The following PRKCE variants were observed in gnomAD, a reference collection of about 807,000 sequenced individuals.
PRKCE encodes protein kinase C epsilon, also known as protein kinase C epsilon type.
Under a neutral mutation model 85.4 loss-of-function variants are expected in PRKCE, and 16 were observed. The ratio of observed to expected loss-of-function variants is 0.19; its 90% CI spans 0.13 to 0.28. The LOEUF (loss-of-function observed/expected upper bound fraction) is 0.28. PRKCE is among the 10% of genes least tolerant of loss of function. PRKCE has a pLI of 1.00. For missense variants in PRKCE, 573 were observed against 975.2 expected, an observed-to-expected ratio of 0.59 and a Z score of 5.49; for synonymous variants, 388 against 371.5, an observed-to-expected ratio of 1.04 and a Z score of -0.51.
intron 6 of PRKCE, among the ~76,000 whole-genome samples, chr2:45,985,276 GTTCC>G (rs1413407201): frequency 6.6e-6 from 1 of 152,186 alleles, no homozygotes; most frequent in Non-Finnish European, 1.5e-5. Flanking sequence ...CGCGTCCTCA[GTTCC>G]TTCCTGTTTC....
At chr2:46,031,342 C>G (rs1707498149) in intron 10 of PRKCE, among the ~76,000 whole-genome samples, 1 of 152,192 alleles carries the variant, frequency 6.6e-6, no homozygotes, top group Admixed American at 6.5e-5. Context: ...TTCCCTCTGC[C>G]TGAGATGCCC....
At chr2:45,826,788 C>A (rs1689975086) in intron 1 of PRKCE, among the ~76,000 whole-genome samples, 1 of 152,210 alleles carries the variant, frequency 6.6e-6, no homozygotes, top group South Asian at 2.1e-4. Context: ...CCTGCCTCCC[C>A]TCCTTATCTC....
chr2:45,668,575 G>A (rs942247253), intron 1 of PRKCE, among the ~76,000 whole-genome samples: 9 of 152,086 alleles, frequency 5.9e-5, no homozygotes, highest in African/African-American at 2.2e-4. Context: ...TTTGCCAAAT[G>A]TCTATTTGCT....
intron 2 of PRKCE, among the ~76,000 whole-genome samples, chr2:45,917,421 C>G (rs1558830894): frequency 6.6e-6 from 1 of 152,170 alleles, no homozygotes; most frequent in East Asian, 1.9e-4. Flanking sequence ...CAAGGCCCCA[C>G]CAGAGTAGCT....
chr2:46,177,113 G>A (rs543564573), intron 14 of PRKCE, among the ~76,000 whole-genome samples: 31 of 152,192 alleles, frequency 2.0e-4, no homozygotes, highest in African/African-American at 7.0e-4. Context: ...GATTACGTTT[G>A]GATTTTAAAA....
chr2:45,671,828 C>T (rs985144991), intron 1 of PRKCE, among the ~76,000 whole-genome samples: 3 of 151,860 alleles, frequency 2.0e-5, no homozygotes, highest in East Asian at 3.9e-4. Flanking sequence ...AAGCACTTTG[C>T]GAGGCCGAGG....
At chr2:46,081,978 C>T (rs566849145) in intron 10 of PRKCE, among the ~76,000 whole-genome samples, 11 of 152,210 alleles carry the variant, frequency 7.2e-5, no homozygotes, top group African/African-American at 2.6e-4. Context: ...TGCCTTACTC[C>T]CAGCTACTCG....
At chr2:45,822,287 T>G (rs1689595067) in intron 1 of PRKCE, among the ~76,000 whole-genome samples, 1 of 152,224 alleles carries the variant, frequency 6.6e-6, no homozygotes, top group Non-Finnish European at 1.5e-5. Flanking sequence ...CCATGGCATT[T>G]TAACAGCAGC....
chr2:45,866,363 A>G (rs999601625), intron 2 of PRKCE, among the ~76,000 whole-genome samples: 2 of 152,198 alleles, frequency 1.3e-5, no homozygotes, highest in Admixed American at 6.5e-5. Flanking sequence ...GCTGGAATGC[A>G]GTGGCACGAT....
intron 6 of PRKCE, among the ~76,000 whole-genome samples, chr2:45,987,259 T>G (rs1023791185): frequency 4.6e-5 from 7 of 152,028 alleles, no homozygotes; most frequent in Non-Finnish European, 1.0e-4. Context: ...AGGGGCAGAA[T>G]TAGGATGCCT....
chr2:46,003,686 A>G lies in PRKCE; in HGVS notation c.967-856A>G, dbSNP rs541713140. On this transcript the variant is annotated intron_variant, in intron 7 of 14. Coordinates refer to ENST00000306156, the MANE Select transcript of PRKCE (RefSeq NM_005400.3). ...CAAGTGTCACATTGCTTTGCATGAGATAACTTGCATTGCTTGGATAGGTGG... is the reference window on the plus strand; with the variant it reads ...CAAGTGTCACATTGCTTTGCATGAGGTAACTTGCATTGCTTGGATAGGTGG... 1.1e-4 allele frequency among the ~76,000 whole-genome samples: 16 copies of G among 152,378 alleles called. No individual in the cohort carries two copies. The Middle Eastern group carries it at 0.014, about 130-fold the overall frequency.
At position 45,684,665 on chromosome 2, in the gene PRKCE, C is replaced by G. The variant is rs576378651; in HGVS notation, c.348+32217C>G. ...CTCTTTCTGGTTTCCTGCATCTGGG[C>G]GCCTAGTCAGGGGGCAAGTTGGGAC... is the stretch of plus-strand genomic sequence containing the variant. On this transcript the variant is annotated intron_variant, in intron 1 of 14. Coordinates refer to ENST00000306156, the MANE Select transcript of PRKCE (RefSeq NM_005400.3). Among the ~76,000 whole-genome samples the G allele has an allele frequency of 1.3e-4, 20 of 152,298 alleles. 2 individuals are homozygous for G. In the South Asian group the frequency reaches 3.3e-3, roughly 25 times the overall value.
chr2:46,105,564 T>C (rs1671640785), intron 11 of PRKCE, among the ~76,000 whole-genome samples: 1 of 152,184 alleles, frequency 6.6e-6, no homozygotes, highest in Non-Finnish European at 1.5e-5. Flanking sequence ...CACCTTTTTC[T>C]TCTAATACCA....
intron 1 of PRKCE, among the ~76,000 whole-genome samples, chr2:45,671,384 G>T (rs767077421): frequency 9.2e-5 from 14 of 152,178 alleles, no homozygotes; most frequent in Non-Finnish European, 8.8e-5. Flanking sequence ...ACATGCACGG[G>T]TATATAGTCT....
intron 2 of PRKCE, among the ~76,000 whole-genome samples, chr2:45,912,973 A>T (rs1237489013): frequency 6.6e-6 from 1 of 152,160 alleles, no homozygotes; most frequent in Admixed American, 6.5e-5. Context: ...CATTATCAAA[A>T]ATATCTGGAA....
At chr2:46,010,591 C>T in intron 10 of PRKCE, 74 bp downstream of exon 10, 1 of 1,598,316 alleles carries the variant, frequency 6.3e-7, no homozygotes, top group Admixed American at 1.7e-5. Flanking sequence ...AATTTTAGAC[C>T]CTCTACATTG....
Position 46,085,752 on chromosome 2 carries a change from TTTG to T in PRKCE, c.1438-453_1438-451del, listed in dbSNP as rs1558437638. On this transcript the variant is annotated intron_variant, in intron 10 of 14. Transcript: ENST00000306156. ...GCAAAATCCGTTTTTTTTTTTTGTT[TTTG>T]TTTTTTTTTTTTTTTTTAGCCATAT... is the stretch of plus-strand genomic sequence containing the variant. Among the ~76,000 whole-genome samples the T allele has an allele frequency of 6.4e-3, 77 of 12,112 alleles. 5 individuals are homozygous for T. Among genetic ancestry groups the T allele is most frequent in the Non-Finnish European group, 8.6e-3 (46 of 5,340 alleles). The allele number at this position is 12,112 out of a possible 152,430, so 7.9% of individuals were successfully genotyped here. A position where few individuals can be genotyped will look rare whatever the true frequency, so the allele number is the denominator to read the frequency against.
chr2:46,102,403 T>G (rs1183481245), intron 11 of PRKCE, among the ~76,000 whole-genome samples: 4 of 152,202 alleles, frequency 2.6e-5, no homozygotes, highest in Non-Finnish European at 5.9e-5. Flanking sequence ...AAATAAACTT[T>G]TTGTTTTAGA....
At chr2:45,677,555 A>G (rs1392344655) in intron 1 of PRKCE, among the ~76,000 whole-genome samples, 8 of 151,846 alleles carry the variant, frequency 5.3e-5, no homozygotes, top group Admixed American at 4.6e-4. Flanking sequence ...ACGGGGTTTC[A>G]CCTTGTTAGC....
Sources: gnomAD v4.1 joint callset for allele counts (sites outside exome capture counted in the v4.1 genomes callset) on GRCh38, gnomAD v4.1.1 for gene constraint, MANE v1.5 for transcripts, NCBI Gene and HGNC (gene_info 2026-07-23, HGNC 2026-07-21) for gene names.